MDN1: variants seen among roughly 807,000 people sequenced by gnomAD.
The protein encoded by MDN1 is midasin.
In MDN1, 266 loss-of-function variants were observed where a neutral mutation model predicts 669.2. The observed-to-expected ratio is 0.40, with a 90% CI of 0.36 to 0.44. MDN1 has a LOEUF of 0.44. Among genes scored for constraint, MDN1 ranks in the 20% least tolerant of loss-of-function variants. The probability of loss-of-function intolerance (pLI) is 1.00; values close to 1 mark genes in which losing one functional copy is unlikely to be tolerated. For missense variants in MDN1, 5,940 were observed against 6,754.0 expected (o/e 0.88, Z 4.22); for synonymous variants, 2,385 against 2,457.1 (o/e 0.97, Z 0.87).
At chr6:89,687,533 C>T in intron 67 of MDN1, 95 bp from the exon 68 acceptor site, 1 of 973,490 alleles carries the variant, frequency 1.0e-6, no homozygotes, top group Non-Finnish European at 1.6e-6. Flanking sequence ...TGAGTGAAGA[C>T]TACTGGGCCC....
chr6:89,719,245 C>T lies in MDN1; in HGVS notation c.5968-20G>A. 6.3e-7 allele frequency: 1 copy of T among 1,594,338 alleles called. No homozygotes were observed. Among genetic ancestry groups the T allele is most frequent in the East Asian group, 2.2e-5 (1 of 44,706 alleles). ...AATGACCTAAAGGAAGAAGATAATG[C>T]AATGAAAACACAAATCACTCCACCT... On this transcript the variant is annotated intron_variant, in intron 40 of 101. Transcript: ENST00000369393.
intron 8 of MDN1, among the ~76,000 whole-genome samples, chr6:89,785,789 C>A: frequency 6.6e-6 from 1 of 152,152 alleles, no homozygotes; most frequent in South Asian, 2.1e-4. Context: ...TCCACGATGT[C>A]CCAGGTCTTT....
intron 72 of MDN1, among the ~76,000 whole-genome samples, chr6:89,683,536 C>G (rs1239551582): frequency 6.6e-6 from 1 of 151,946 alleles, no homozygotes; most frequent in Non-Finnish European, 1.5e-5. Context: ...AGAAGAGAAA[C>G]TAAAGCCAGA....
chr6:89,791,825 C>T (rs540376585), intron 5 of MDN1, among the ~76,000 whole-genome samples: 5 of 150,104 alleles, frequency 3.3e-5, no homozygotes, highest in Non-Finnish European at 5.9e-5. Context: ...TGTGAACTAA[C>T]GTGTAAAGTA....
chr6:89,715,736 A>C lies in MDN1; in HGVS notation c.6777T>G (p.Leu2259=). The change falls in exon 45 of 102, where the codon CTT becomes CTG. Residue 2259 remains leucine, a synonymous_variant. Coordinates refer to ENST00000369393, the MANE Select transcript of MDN1 (RefSeq NM_014611.3). The part of the protein sequence containing the change: ...PSVLDRLNAL[L]EPGGVLTISE... ...TAATAGTGAGGACACCTCCGGGTTCAAGCAAAGCATTCAAACGATCCAACA... is the reference window on the plus strand; with the variant it reads ...TAATAGTGAGGACACCTCCGGGTTCCAGCAAAGCATTCAAACGATCCAACA... 6.2e-7 allele frequency: 1 copy of C among 1,613,758 alleles called. No individual in the cohort carries two copies. Among genetic ancestry groups the C allele is most frequent in the Non-Finnish European group, 8.5e-7 (1 of 1,179,640 alleles).
chr6:89,781,449 G>A lies in MDN1; in HGVS notation c.1593C>T (p.Ala531=). 1 of 1,614,038 alleles carries A rather than the reference G, an allele frequency of 6.2e-7. No individual in the cohort carries two copies. The highest frequency in any genetic ancestry group is 2.2e-5 in the East Asian group (1 of 44,876). ...GGGTTGGTCTTTTGTTTTCTCTTCTGGCTTCTGAAACTTCTTCAGGTGCCT... is the reference window on the plus strand; with the variant it reads ...GGGTTGGTCTTTTGTTTTCTCTTCTAGCTTCTGAAACTTCTTCAGGTGCCT... ...CEQAPEEVSE[A]RRENKRPTLE... The change falls in exon 10 of 102, where the codon GCC becomes GCT. Residue 531 remains alanine, a synonymous_variant. Coordinates refer to ENST00000369393, the MANE Select transcript of MDN1 (RefSeq NM_014611.3).
At chr6:89,751,639 G>A in intron 22 of MDN1, 57 bp from the exon 23 acceptor site, 3 of 1,551,840 alleles carry the variant, frequency 1.9e-6, no homozygotes, top group Admixed American at 1.9e-5. Context: ...TTCAGAGAAG[G>A]GCATAAAGTA....
chr6:89,728,008 G>A, intron 36 of MDN1, 53 bp from the exon 37 acceptor site: 1 of 1,548,402 alleles, frequency 6.5e-7, no homozygotes, highest in Non-Finnish European at 8.8e-7. Context: ...AAAATCAACT[G>A]GATTCTAACA....
Position 89,645,029 on chromosome 6 carries a change from T to A in MDN1, c.16588A>T (p.Asn5530Tyr). The A allele has an allele frequency of 1.3e-6, 2 of 1,594,928 alleles. No homozygotes were observed. The highest frequency in any genetic ancestry group is 1.7e-6 in the Non-Finnish European group (2 of 1,163,880). ...NIFVIFVVLD[N>Y]PSSRDSILDI... ...TAGTCACTCACCCGTGAACTGGGAT[T>A]GTCCAATACAACAAAGATGACAAAG... Residue 5530 changes from asparagine (N) to tyrosine (Y), a missense_variant, in exon 101 of 102, where the codon AAT (asparagine) becomes TAT (tyrosine). Transcript: ENST00000369393.
chr6:89,771,691 A>G, intron 14 of MDN1, 70 bp from the exon 15 acceptor site: 1 of 1,342,058 alleles, frequency 7.5e-7, no homozygotes, highest in Non-Finnish European at 1.1e-6. Context: ...TGTGCTCCTT[A>G]AGGCTGTGGG....
intron 99 of MDN1, among the ~76,000 whole-genome samples, chr6:89,646,955 A>C (rs578141743): frequency 2.1e-4 from 32 of 151,954 alleles, no homozygotes; most frequent in Non-Finnish European, 3.5e-4. Context: ...CTGGATAATT[A>C]TTTTTGTCTT....
chr6:89,747,820 G>A (rs768338965), intron 26 of MDN1, among the ~76,000 whole-genome samples: 9 of 148,664 alleles, frequency 6.1e-5, no homozygotes, highest in East Asian at 2.0e-4. Context: ...GAACCCGGGA[G>A]GGGGAGCTTG....
At chr6:89,798,915 T>C (rs1289978269) in intron 2 of MDN1, among the ~76,000 whole-genome samples, 2 of 152,208 alleles carry the variant, frequency 1.3e-5, no homozygotes, top group Non-Finnish European at 2.9e-5. Flanking sequence ...GAATGTTATT[T>C]GAATATATCA....
intron 1 of MDN1, among the ~76,000 whole-genome samples, chr6:89,804,928 C>A (rs966116218): frequency 5.5e-5 from 8 of 145,942 alleles, no homozygotes; most frequent in African/African-American, 2.0e-4. Flanking sequence ...CCCAGCTACT[C>A]GGGAGGCTGA....
rs777916778 is a variant in MDN1, at chr6:89,719,127, T to C, written c.6057+9A>G. Reference sequence around the variant, plus strand: ...GTCAAAGGATAGAGGATTATCCTAGTCTCCTTACCTGAACATCATAGGGAG... The same window carrying C: ...GTCAAAGGATAGAGGATTATCCTAGCCTCCTTACCTGAACATCATAGGGAG... On this transcript the variant is annotated intron_variant, in intron 41 of 101. Transcript: ENST00000369393. 2 of 1,611,716 alleles carry C rather than the reference T, an allele frequency of 1.2e-6. No homozygotes were observed. Among genetic ancestry groups the C allele is most frequent in the South Asian group, 2.2e-5 (2 of 91,032 alleles).
intron 1 of MDN1, among the ~76,000 whole-genome samples, chr6:89,807,772 CTGTT>C (rs1227604382): frequency 2.0e-5 from 3 of 152,148 alleles, no homozygotes; most frequent in East Asian, 1.9e-4. Flanking sequence ...CCCACCCTGT[CTGTT>C]TAAGCCTAGA....
intron 20 of MDN1, among the ~76,000 whole-genome samples, chr6:89,755,199 A>T (rs539432378): frequency 2.6e-5 from 4 of 152,226 alleles, no homozygotes; most frequent in African/African-American, 9.6e-5. Flanking sequence ...TGTTGTGGTA[A>T]ACCATTCTGA....
rs764854207 is a variant in MDN1, at chr6:89,785,096, T to A, written c.1365A>T (p.Arg455=). ...GCAAAGTAGCATGACTGTTTAGCGGTCGATACCAATTTCCTCCACAGCTCA... is the reference window on the plus strand; with the variant it reads ...GCAAAGTAGCATGACTGTTTAGCGGACGATACCAATTTCCTCCACAGCTCA... ...RLLSCGGNWY[R]PLNSHATLLD... is the part of the protein sequence containing the mutation. The change falls in exon 9 of 102, where the codon CGA becomes CGT. Residue 455 remains arginine, a synonymous_variant. Coordinates refer to ENST00000369393, the MANE Select transcript of MDN1 (RefSeq NM_014611.3). 91 of 1,613,942 alleles carry A rather than the reference T, an allele frequency of 5.6e-5. No individual in the cohort carries two copies. Among genetic ancestry groups the A allele is most frequent in the Non-Finnish European group, 7.6e-5 (90 of 1,179,922 alleles).
intron 40 of MDN1, among the ~76,000 whole-genome samples, chr6:89,719,982 A>G (rs1472811327): frequency 1.3e-5 from 2 of 152,226 alleles, no homozygotes; most frequent in Non-Finnish European, 2.9e-5. Flanking sequence ...AGGTATATAA[A>G]AAACATTAAT....
Sources: allele counts gnomAD v4.1 joint callset (sites outside exome capture counted in the v4.1 genomes callset), GRCh38; gene constraint gnomAD v4.1.1; transcripts MANE v1.5; gene names NCBI Gene and HGNC (gene_info 2026-07-23, HGNC 2026-07-21).